Variants in GUCY2C observed in about 807,000 individuals in gnomAD.
GUCY2C encodes the protein guanylyl cyclase C.
A neutral mutation model predicts 131.1 loss-of-function variants in GUCY2C; 118 were observed. The ratio of observed to expected loss-of-function variants is 0.90; its 90% confidence interval spans 0.78 to 1.05. GUCY2C has a LOEUF of 1.05. Among genes scored for constraint, GUCY2C ranks in the 50% least tolerant of loss-of-function variants. GUCY2C has a pLI of 0.00. For synonymous variants in GUCY2C, 452 were observed against 457.8 expected, an observed-to-expected ratio of 0.99 and a Z score of 0.16; for missense variants, 1,161 against 1,304.4, an observed-to-expected ratio of 0.89 and a Z score of 1.69.
At chr12:14,626,793 T>A (rs933980453) in intron 20 of GUCY2C, among the ~76,000 whole-genome samples, 22 of 152,214 alleles carry the variant, frequency 1.4e-4, no homozygotes, top group Admixed American at 1.4e-3. Flanking sequence ...AATCTCAATT[T>A]TATTTTTTGA....
intron 8 of GUCY2C, among the ~76,000 whole-genome samples, chr12:14,673,165 A>G (rs1302125329): frequency 6.6e-6 from 1 of 152,204 alleles, no homozygotes; most frequent in East Asian, 1.9e-4. Flanking sequence ...TGGGAGATGT[A>G]TTTATTTAGA....
intron 11 of GUCY2C, among the ~76,000 whole-genome samples, chr12:14,660,437 A>C (rs1947845573): frequency 6.6e-6 from 1 of 152,174 alleles, no homozygotes; most frequent in Non-Finnish European, 1.5e-5. Context: ...GGCCCCACCC[A>C]CTACCTGGTG....
At chr12:14,634,529 T>C (rs1233439070) in intron 19 of GUCY2C, among the ~76,000 whole-genome samples, 2 of 151,144 alleles carry the variant, frequency 1.3e-5, no homozygotes, top group Non-Finnish European at 3.0e-5. Flanking sequence ...CAAACCATAA[T>C]GAAAAACAAG....
chr12:14,654,495 T>A (rs1360268549), intron 12 of GUCY2C, among the ~76,000 whole-genome samples: 2 of 152,178 alleles, frequency 1.3e-5, no homozygotes, highest in African/African-American at 4.8e-5. Context: ...ATTTTGAACT[T>A]CCCTCCTTTG....
chr12:14,682,958 A>G, intron 4 of GUCY2C, 84 bp downstream of exon 4: 1 of 840,370 alleles, frequency 1.2e-6, no homozygotes, highest in Non-Finnish European at 2.0e-6. Flanking sequence ...TGGAAGGTGC[A>G]TCTGGTAATA....
chr12:14,621,317 A>G, intron 22 of GUCY2C, 101 bp from the exon 23 acceptor site: 2 of 966,530 alleles, frequency 2.1e-6, no homozygotes, highest in Non-Finnish European at 3.2e-6. Flanking sequence ...GTGATTTGGG[A>G]ACACAGTATG....
At chr12:14,638,508 G>A (rs746053767) in intron 19 of GUCY2C, among the ~76,000 whole-genome samples, 10 of 152,210 alleles carry the variant, frequency 6.6e-5, no homozygotes, top group Admixed American at 1.3e-4. Flanking sequence ...AATGCAGGAT[G>A]TGTACACAAT....
At chr12:14,686,124 TC>T in intron 3 of GUCY2C, 36 bp downstream of exon 3, 1 of 1,266,554 alleles carries the variant, frequency 7.9e-7, no homozygotes, top group African/African-American at 1.5e-5. Context: ...AGTTGCAATA[TC>T]ATGTCCTGAC....
intron 10 of GUCY2C, among the ~76,000 whole-genome samples, chr12:14,668,381 G>C (rs1193342584): frequency 6.6e-6 from 1 of 152,108 alleles, no homozygotes; most frequent in Non-Finnish European, 1.5e-5. Context: ...ATGTTGGTCA[G>C]GCTGGTCTCG....
chr12:14,637,314 C>T (rs1947291313), intron 19 of GUCY2C, among the ~76,000 whole-genome samples: 3 of 151,946 alleles, frequency 2.0e-5, no homozygotes, highest in African/African-American at 7.3e-5. Context: ...AATGATATCC[C>T]ATGCTCATGG....
At chr12:14,645,875 GC>G (rs1236121432) in intron 15 of GUCY2C, among the ~76,000 whole-genome samples, 12 of 136,126 alleles carry the variant, frequency 8.8e-5, no homozygotes, top group Admixed American at 2.4e-4. Flanking sequence ...TTGCTCTGTT[GC>G]CCAGGCTGGC....
intron 19 of GUCY2C, among the ~76,000 whole-genome samples, chr12:14,630,569 G>A (rs1436263855): frequency 6.6e-6 from 1 of 152,120 alleles, no homozygotes; most frequent in Non-Finnish European, 1.5e-5. Context: ...TCATGTTAGG[G>A]ATTATAAGCA....
intron 12 of GUCY2C, among the ~76,000 whole-genome samples, chr12:14,655,540 A>T (rs539376653): frequency 3.9e-5 from 6 of 152,328 alleles, no homozygotes; most frequent in African/African-American, 1.4e-4. Context: ...GAGGTTCCAG[A>T]GACAAACTTA....
intron 9 of GUCY2C, among the ~76,000 whole-genome samples, chr12:14,671,418 G>T (rs572741303): frequency 6.6e-6 from 1 of 152,204 alleles, no homozygotes; most frequent in South Asian, 2.1e-4. Context: ...GAATACAGGG[G>T]TGAGCCACTG....
rs1947453846 is a variant in GUCY2C, at chr12:14,643,622, C to T, written c.1882G>A (p.Val628Met). ...TTGCAGCCAAAATCAGTGATCTTCA[C>T]CACCATTCTACTGTCCACTACGCAG... ...TNCVVDSRMV[V>M]KITDFGCNSI... Residue 628 changes from valine (V) to methionine (M), a missense_variant, in exon 17 of 27, where the codon GTG (valine) becomes ATG (methionine). Val to Met is a conservative substitution (Grantham distance 21). Coordinates refer to ENST00000261170, the MANE Select transcript of GUCY2C (RefSeq NM_004963.4). The T allele has an allele frequency of 6.2e-7, 1 of 1,613,672 alleles. No individual in the cohort carries two copies. The highest frequency in any genetic ancestry group is 2.2e-5 in the East Asian group (1 of 44,866).
chr12:14,669,562 G>T (rs2137068170), intron 10 of GUCY2C, among the ~76,000 whole-genome samples, 160 bp downstream of exon 10: 2 of 152,236 alleles, frequency 1.3e-5, no homozygotes, highest in Admixed American at 1.3e-4. Flanking sequence ...ATTGTGCAGG[G>T]AAGTAAGGAC....
chr12:14,676,850 T>C lies in GUCY2C; in HGVS notation c.948+4A>G. On this transcript the variant is annotated splice_donor_region_variant and intron_variant, in intron 7 of 26. Coordinates refer to ENST00000261170, the MANE Select transcript of GUCY2C (RefSeq NM_004963.4). Reference sequence around the variant, plus strand: ...TTATACTATAACATAAAATAATAGCTTACTGGTGATAGATTCCTGGAGAAA... The same window carrying C: ...TTATACTATAACATAAAATAATAGCCTACTGGTGATAGATTCCTGGAGAAA... 1 of 1,051,512 alleles carries C rather than the reference T, an allele frequency of 9.5e-7. No homozygotes were observed. The highest frequency in any genetic ancestry group is 1.4e-6 in the Non-Finnish European group (1 of 710,432). The allele number at this position is 1,051,512 out of a possible 1,614,324, so 65.1% of individuals were successfully genotyped here. A position where few individuals can be genotyped will look rare whatever the true frequency, so the allele number is the denominator to read the frequency against.
chr12:14,653,265 A>G (rs564914638), intron 12 of GUCY2C, among the ~76,000 whole-genome samples: 5 of 152,116 alleles, frequency 3.3e-5, no homozygotes, highest in African/African-American at 1.2e-4. Context: ...TTGTGGCCCT[A>G]CTTCAACCAG....
chr12:14,673,037 A>G (rs2287170), intron 8 of GUCY2C, 79 bp from the exon 9 acceptor site: 34,435 of 818,066 alleles, frequency 0.042, 961 homozygotes, highest in Middle Eastern at 0.079. Context: ...CAGAGAGTGT[A>G]AAATGGGTTC....
Sources: gnomAD v4.1 joint callset for allele counts (sites outside exome capture counted in the v4.1 genomes callset) on GRCh38, gnomAD v4.1.1 for gene constraint, MANE v1.5 for transcripts, NCBI Gene and HGNC (gene_info 2026-07-23, HGNC 2026-07-21) for gene names.